The following CCNY variants were observed in gnomAD, a reference collection of about 807,000 sequenced individuals.
The protein encoded by CCNY is cyclin-Y.
CCNY carries 19 observed loss-of-function variants against 42.8 expected under a neutral mutation model. That is an observed-to-expected ratio of 0.44 (90% CI 0.31 to 0.65). The LOEUF (loss-of-function observed/expected upper bound fraction) is 0.65. Ranked by LOEUF, CCNY falls within the 30% of genes least tolerant of loss-of-function variation. CCNY has a pLI of 0.07. For synonymous variants in CCNY, 165 were observed against 162.7 expected (o/e 1.01, Z -0.11); for missense variants, 370 against 437.3 (o/e 0.85, Z 1.37).
chr10:35,502,922 G>A (rs1840139589), intron 3 of CCNY, among the ~76,000 whole-genome samples: 1 of 152,138 alleles, frequency 6.6e-6, no homozygotes, highest in African/African-American at 2.4e-5. Context: ...GAGAAGAGCT[G>A]GAACTGCATC....
chr10:35,491,105 G>A (rs374480561), intron 2 of CCNY, among the ~76,000 whole-genome samples: 32 of 152,216 alleles, frequency 2.1e-4, no homozygotes, highest in African/African-American at 7.0e-4. Context: ...CCATTTGTGC[G>A]TGCTGGGCTG....
intron 3 of CCNY, among the ~76,000 whole-genome samples, chr10:35,264,756 GTGATTCTCC>G (rs1178989010): frequency 6.6e-6 from 1 of 152,054 alleles, no homozygotes; most frequent in East Asian, 1.9e-4. Flanking sequence ...CCAGGTTCAA[GTGATTCTCC>G]TGTCTCAGCC....
intron 3 of CCNY, among the ~76,000 whole-genome samples, chr10:35,266,247 T>TC (rs1447323488): frequency 7.1e-6 from 1 of 140,436 alleles, no homozygotes; most frequent in East Asian, 2.2e-4. Context: ...CCGGCTAATT[T>TC]CCTTTTTTTT....
At chr10:35,454,116 G>A (rs1276257082) in intron 1 of CCNY, among the ~76,000 whole-genome samples, 1 of 152,180 alleles carries the variant, frequency 6.6e-6, no homozygotes, top group African/African-American at 2.4e-5. Flanking sequence ...TTTCCTGTGT[G>A]TGGGTGGGAA....
intron 1 of CCNY, among the ~76,000 whole-genome samples, chr10:35,383,425 A>C (rs1589078796): frequency 6.6e-6 from 1 of 151,624 alleles, no homozygotes; most frequent in Non-Finnish European, 1.5e-5. Flanking sequence ...CTCCTGCCCC[A>C]GCCTCCCGAG....
intron 2 of CCNY, among the ~76,000 whole-genome samples, chr10:35,485,724 C>CAAAAAAAAAAAA (rs60570748): frequency 2.0e-5 from 2 of 97,782 alleles, no homozygotes; most frequent in African/African-American, 7.4e-5. Context: ...GACTCCGTCT[C>CAAAAAAAAAAAA]AAAAAAAAAA....
At chr10:35,274,764 C>CT (rs746799835) in intron 3 of CCNY, among the ~76,000 whole-genome samples, 26 of 148,522 alleles carry the variant, frequency 1.8e-4, no homozygotes, top group African/African-American at 3.0e-4. Flanking sequence ...GCTTCTCATC[C>CT]TTTTTTTTTT....
chr10:35,360,648 A>T (rs1053869510), intron 1 of CCNY, among the ~76,000 whole-genome samples: 1 of 152,124 alleles, frequency 6.6e-6, no homozygotes, highest in African/African-American at 2.4e-5. Flanking sequence ...TTAAAAAAGT[A>T]TATAGAAAAA....
chr10:35,341,841 A>C (rs1465791149), intron 1 of CCNY, among the ~76,000 whole-genome samples: 1 of 152,170 alleles, frequency 6.6e-6, no homozygotes, highest in Non-Finnish European at 1.5e-5. Context: ...CTGAAAGGAA[A>C]CCTGGCTAAT....
At chr10:35,545,929 T>A (rs114016166) in intron 7 of CCNY, among the ~76,000 whole-genome samples, 4,171 of 152,334 alleles carry the variant, frequency 0.027, 165 homozygotes, top group African/African-American at 0.084. Context: ...ATTACTTTTT[T>A]AAATTATTTT....
At chr10:35,526,027 A>G in intron 5 of CCNY, 28 bp downstream of exon 5, 4 of 1,584,706 alleles carry the variant, frequency 2.5e-6, no homozygotes, top group Non-Finnish European at 3.5e-6. Flanking sequence ...TGCTAAAAAC[A>G]TCATACGTTA....
chr10:35,378,984 T>G (rs1258705973), intron 1 of CCNY, among the ~76,000 whole-genome samples: 1 of 151,954 alleles, frequency 6.6e-6, no homozygotes, highest in Non-Finnish European at 1.5e-5. Flanking sequence ...ATTGGTGGAG[T>G]TGATGCACCA....
In CCNY at chr10:35,306,576, A is replaced by G. The variant is rs145356689; in HGVS notation, c.-9+55950A>G. On this transcript the variant is annotated intron_variant, in intron 3 of 11. Transcript: ENST00000374706. ...CATGAATGAAGTTTGTGGGTCATTT[A>G]GCATGAAGCAAGCATCATGGCAGAA... Among the ~76,000 whole-genome samples the G allele has an allele frequency of 7.2e-5, 11 of 152,284 alleles. No individual in the cohort carries two copies. The East Asian group carries it at 2.1e-3, about 29-fold the overall frequency.
intron 2 of CCNY, among the ~76,000 whole-genome samples, chr10:35,491,573 GTCTTTCCTCTC>G (rs1463516748): frequency 6.6e-6 from 1 of 152,146 alleles, no homozygotes; most frequent in African/African-American, 2.4e-5. Flanking sequence ...AGAAGTCAGC[GTCTTTCCTCTC>G]CTGCCAGCTT....
intron 1 of CCNY, among the ~76,000 whole-genome samples, chr10:35,356,901 A>G (rs920378963): frequency 6.6e-6 from 1 of 150,770 alleles, no homozygotes; most frequent in African/African-American, 2.4e-5. Context: ...GTAAATACAT[A>G]CTCCTCCCCG....
At chr10:35,535,586 C>T (rs1219435611) in intron 7 of CCNY, among the ~76,000 whole-genome samples, 1 of 152,074 alleles carries the variant, frequency 6.6e-6, no homozygotes, top group African/African-American at 2.4e-5. Context: ...GTTGGCCCTC[C>T]TTGTACAAGG....
Position 35,473,761 on chromosome 10 carries a change from C to T in CCNY, c.155-9643C>T, listed in dbSNP as rs115325992. Among the ~76,000 whole-genome samples, 1,122 of 152,254 alleles carry T rather than the reference C, an allele frequency of 7.4e-3. 12 individuals are homozygous for T. Among genetic ancestry groups the T allele is most frequent in the African/African-American group, 0.026 (1,071 of 41,554 alleles). On this transcript the variant is annotated intron_variant, in intron 1 of 9. Transcript: ENST00000374704. ...ACTTTTAATTTTTGTCATTGAAAAA[C>T]ATCATAAAAATGTGTTCCTTGGGGG...
At chr10:35,558,491 A>G (rs1841404215) in intron 8 of CCNY, among the ~76,000 whole-genome samples, 1 of 152,264 alleles carries the variant, frequency 6.6e-6, no homozygotes, top group Non-Finnish European at 1.5e-5. Context: ...TGAGTCCTGT[A>G]ACAGATGCTA....
intron 1 of CCNY, among the ~76,000 whole-genome samples, chr10:35,451,834 C>T (rs898575003): frequency 1.9e-4 from 29 of 152,150 alleles, no homozygotes; most frequent in Non-Finnish European, 3.1e-4. Context: ...GCAGGGGGAG[C>T]GGTCAGGGCA....
Sources: gnomAD v4.1 joint callset for allele counts (sites outside exome capture counted in the v4.1 genomes callset) on GRCh38, gnomAD v4.1.1 for gene constraint, MANE v1.5 for transcripts, NCBI Gene and HGNC (gene_info 2026-07-23, HGNC 2026-07-21) for gene names.